Variants in P2RX5 observed in about 807,000 individuals in gnomAD.
P2RX5 encodes P2X purinoceptor 5.
P2RX5 carries 46 observed loss-of-function variants against 54.1 expected under a neutral mutation model. The observed-to-expected ratio is 0.85, with a 90% CI of 0.67 to 1.09. The LOEUF (loss-of-function observed/expected upper bound fraction) is 1.09, where lower values mean the gene tolerates loss of function less well. Among genes scored for constraint, P2RX5 ranks in the 50% least tolerant of loss-of-function variants. The pLI is 0.00. For missense variants in P2RX5, 566 were observed against 549.8 expected (o/e 1.03, Z -0.29); for synonymous variants, 226 against 226.4 (o/e 1.00, Z 0.02).
intron 10 of P2RX5, among the ~76,000 whole-genome samples, chr17:3,680,536 AGC>A (rs2050235826): frequency 6.9e-5 from 3 of 43,392 alleles, no homozygotes; most frequent in South Asian, 9.6e-4. Context: ...TCCTCCACCC[AGC>A]GTCCTCCACC....
chr17:3,688,149 T>C, intron 8 of P2RX5, 44 bp from the exon 9 acceptor site: 2 of 1,088,154 alleles, frequency 1.8e-6, no homozygotes, highest in Non-Finnish European at 2.8e-6. Context: ...CTGCCTGGCC[T>C]TCCCTCTTTA....
At chr17:3,708,430 G>A in the P2RX5 span, among the ~76,000 whole-genome samples, 2 of 148,886 alleles carry the variant, frequency 1.3e-5, no homozygotes, top group Non-Finnish European at 3.0e-5. Flanking sequence ...TGTTTGAACT[G>A]GACAAGAAAG....
chr17:3,707,587 C>T, the P2RX5 span, among the ~76,000 whole-genome samples: 5 of 152,146 alleles, frequency 3.3e-5, no homozygotes, highest in Non-Finnish European at 7.3e-5. Context: ...GGAAAGATCA[C>T]GCCGAGAAAC....
At chr17:3,704,786 C>T in the P2RX5 span, among the ~76,000 whole-genome samples, 2 of 152,222 alleles carry the variant, frequency 1.3e-5, no homozygotes, top group Non-Finnish European at 2.9e-5. Context: ...GTGGACGGAT[C>T]ACCTGAGGTC....
chr17:3,678,029 C>G (rs560336215), intron 11 of P2RX5: 3 of 985,466 alleles, frequency 3.0e-6, no homozygotes, highest in East Asian at 2.3e-4. Context: ...GCGGGTTGTT[C>G]TGGCCCCAAA....
chr17:3,711,719 G>A, the P2RX5 span, among the ~76,000 whole-genome samples: 3 of 151,270 alleles, frequency 2.0e-5, no homozygotes, highest in Admixed American at 2.0e-4. Context: ...TTTTGAGACA[G>A]GGTCTCGCTC....
At chr17:3,715,599 C>G in the P2RX5 span, among the ~76,000 whole-genome samples, 13 of 152,180 alleles carry the variant, frequency 8.5e-5, no homozygotes, top group African/African-American at 2.9e-4. Context: ...ATGCCTGTAA[C>G]CCCACCACTT....
At chr17:3,699,511 TA>T (rs2050801059), upstream of P2RX5, among the ~76,000 whole-genome samples, 1 of 151,128 alleles carries the variant, frequency 6.6e-6, no homozygotes, top group Admixed American at 6.6e-5. Flanking sequence ...TTATCGCAAA[TA>T]AATAGAAAAT....
At chr17:3,690,348 G>A (rs2050575980) in intron 5 of P2RX5, 79 bp downstream of exon 5, 1 of 1,242,630 alleles carries the variant, frequency 8.0e-7, no homozygotes. Flanking sequence ...CCCAGAGTGG[G>A]CAGGACTCCA....
chr17:3,675,623 C>T, intron 11 of P2RX5: 12 of 902,382 alleles, frequency 1.3e-5, no homozygotes, highest in Non-Finnish European at 1.6e-5. Flanking sequence ...ATGATCTCAG[C>T]TCACTGCAAC....
chr17:3,673,458 A>G lies in P2RX5; in HGVS notation c.*410T>C. On this transcript the variant is annotated 3_prime_UTR_variant, in exon 12 of 12. Transcript: ENST00000225328. ...CACTTGCAGAGGGGAGTGGGCTGGA[A>G]CCAAATGGAGCCCTTTTCCGGACAC... The G allele has an allele frequency of 1.8e-6, 2 of 1,108,602 alleles. No individual in the cohort carries two copies. Among genetic ancestry groups the G allele is most frequent in the Non-Finnish European group, 2.2e-6 (2 of 902,232 alleles). 68.7% of individuals were successfully genotyped at this position (1,108,602 alleles called of 1,614,324 possible).
rs150988702 is a variant in P2RX5 at position 3,688,905 on chromosome 17, GT to G, written c.754-147del. 5,710 of 851,504 alleles carry G rather than the reference GT, an allele frequency of 6.7e-3. 215 individuals are homozygous for G. The African/African-American group carries it at 0.085, about 13-fold the overall frequency. The allele number at this position is 851,504 out of a possible 1,614,324, so 52.7% of individuals were successfully genotyped here. A position where few individuals can be genotyped will look rare whatever the true frequency, so the allele number is the denominator to read the frequency against. On this transcript the variant is annotated intron_variant, in intron 7 of 11. Coordinates refer to ENST00000225328, the MANE Select transcript of P2RX5 (RefSeq NM_002561.4). ...TCGAGACCACCCTCCAGGAGGCTTA[GT>G]CCCCCCATGGAGCGGCTGAGAACAC...
At chr17:3,682,804 C>A (rs1326484268) in intron 9 of P2RX5, 7 of 152,354 alleles carry the variant, frequency 4.6e-5, no homozygotes, top group African/African-American at 1.7e-4. Flanking sequence ...TCAGGCGGAT[C>A]ACCTGAGGCC....
At chr17:3,699,095 C>CACACATA (rs60173844), upstream of P2RX5, among the ~76,000 whole-genome samples, 2,225 of 100,192 alleles carry the variant, frequency 0.022, 67 homozygotes, top group Middle Eastern at 0.059. Context: ...ACACACACAC[C>CACACATA]TATATATATA....
chr17:3,677,671 G>A lies in P2RX5; in HGVS notation c.1259+1919C>T, dbSNP rs2050135757. The A allele has an allele frequency of 3.0e-6, 3 of 985,292 alleles. No homozygotes were observed. In the African/African-American group the frequency reaches 5.2e-5, roughly 17 times the overall value. The allele number at this position is 985,292 out of a possible 1,614,324, so 61.0% of individuals were successfully genotyped here. On this transcript the variant is annotated intron_variant, in intron 11 of 11. Coordinates refer to ENST00000225328, the MANE Select transcript of P2RX5 (RefSeq NM_002561.4). Reference sequence around the variant, plus strand: ...TTGGCTTTGGAGGAATTACACGCGGGCCCCTCTCCCTGAGGTTAGGTCAGC... The same window carrying A: ...TTGGCTTTGGAGGAATTACACGCGGACCCCTCTCCCTGAGGTTAGGTCAGC...
the P2RX5 span, chr17:3,723,159 G>T: frequency 1.5e-6 from 1 of 673,844 alleles, no homozygotes; most frequent in Non-Finnish European, 2.7e-6. Context: ...GGGACAGAGG[G>T]TTGGTTTTTT....
chr17:3,683,937 A>G (rs556519286), intron 9 of P2RX5, among the ~76,000 whole-genome samples: 8 of 152,306 alleles, frequency 5.3e-5, no homozygotes, highest in Admixed American at 2.6e-4. Flanking sequence ...CTGGGTCCCA[A>G]TGGACTCCTC....
chr17:3,707,711 T>C, the P2RX5 span, among the ~76,000 whole-genome samples: 1 of 151,960 alleles, frequency 6.6e-6, no homozygotes, highest in Admixed American at 6.6e-5. Context: ...TCAGTCCCCC[T>C]GACTACTGTG....
Position 3,690,547 on chromosome 17 carries a change from T to C in P2RX5, c.437-24A>G, listed in dbSNP as rs570870468. ...TCCTGCAGGGGTGGGACAGGATCAA[T>C]GCCAGGAGCCTCCCACTCCGAGTCC... is the stretch of plus-strand genomic sequence containing the variant. On this transcript the variant is annotated intron_variant, in intron 4 of 11. Coordinates refer to ENST00000225328, the MANE Select transcript of P2RX5 (RefSeq NM_002561.4). The C allele has an allele frequency of 1.6e-5, 25 of 1,612,412 alleles. No individual in the cohort carries two copies. In the East Asian group the frequency reaches 5.3e-4, roughly 34 times the overall value.
Sources: allele counts gnomAD v4.1 joint callset (sites outside exome capture counted in the v4.1 genomes callset), GRCh38; gene constraint gnomAD v4.1.1; transcripts MANE v1.5; gene names NCBI Gene and HGNC (gene_info 2026-07-23, HGNC 2026-07-21).